Variants in ANKS1A observed in about 807,000 individuals in gnomAD.
The protein encoded by ANKS1A is ankyrin repeat and SAM domain-containing protein 1A.
Under a neutral mutation model 120.3 loss-of-function variants are expected in ANKS1A, and 55 were observed. The ratio of observed to expected loss-of-function variants is 0.46; its 90% CI spans 0.37 to 0.57. The LOEUF (loss-of-function observed/expected upper bound fraction) is 0.57, where lower values mean the gene tolerates loss of function less well. ANKS1A is among the 20% of genes least tolerant of loss of function. The pLI is 0.00. For synonymous variants in ANKS1A, 590 were observed against 604.7 expected, an observed-to-expected ratio of 0.98 and a Z score of 0.36; for missense variants, 1,123 against 1,480.3, an observed-to-expected ratio of 0.76 and a Z score of 3.96.
At chr6:34,997,001 T>G (rs1772889214) in intron 10 of ANKS1A, among the ~76,000 whole-genome samples, 1 of 152,184 alleles carries the variant, frequency 6.6e-6, no homozygotes, top group Non-Finnish European at 1.5e-5. Flanking sequence ...GTTTTAGATA[T>G]TCTAGTTCCA....
chr6:35,077,959 CCT>C (rs1449169001), intron 13 of ANKS1A, among the ~76,000 whole-genome samples: 1 of 152,202 alleles, frequency 6.6e-6, no homozygotes, highest in East Asian at 1.9e-4. Flanking sequence ...GCTCCGTGTG[CCT>C]CTCCACCCTC....
At chr6:34,923,632 C>G (rs1768553485) in intron 1 of ANKS1A, among the ~76,000 whole-genome samples, 1 of 152,132 alleles carries the variant, frequency 6.6e-6, no homozygotes, top group Admixed American at 6.6e-5. Flanking sequence ...GCCAAGACTA[C>G]TATTAAATTG....
At chr6:35,038,224 G>T (rs1198944104) in intron 11 of ANKS1A, 1 of 456,562 alleles carries the variant, frequency 2.2e-6, no homozygotes, top group African/African-American at 2.0e-5. Flanking sequence ...CCATCAGTCT[G>T]GGAAGAAAGG....
intron 10 of ANKS1A, among the ~76,000 whole-genome samples, chr6:34,997,896 A>T (rs762316907): frequency 2.0e-5 from 3 of 152,230 alleles, no homozygotes; most frequent in Non-Finnish European, 4.4e-5. Flanking sequence ...ACTTTTGGCT[A>T]CACATCTGGT....
chr6:35,015,940 A>G (rs906170078), intron 10 of ANKS1A, among the ~76,000 whole-genome samples: 3 of 152,318 alleles, frequency 2.0e-5, no homozygotes, highest in African/African-American at 4.8e-5. Context: ...GCCTTCAGGC[A>G]TGCTGATGAG....
At chr6:35,063,364 T>C (rs148615450) in intron 13 of ANKS1A, among the ~76,000 whole-genome samples, 250 of 152,328 alleles carry the variant, frequency 1.6e-3, no homozygotes, top group African/African-American at 5.5e-3. Context: ...GGTTGGCAAA[T>C]TTGTAGCTCC....
intron 13 of ANKS1A, among the ~76,000 whole-genome samples, chr6:35,077,446 C>T (rs1293609748): frequency 3.3e-5 from 5 of 152,186 alleles, no homozygotes; most frequent in African/African-American, 9.7e-5. Context: ...CGAGCGTGTG[C>T]GAGAATGGCA....
intron 11 of ANKS1A, among the ~76,000 whole-genome samples, chr6:35,041,640 TAC>T (rs1285287676): frequency 6.6e-6 from 1 of 152,204 alleles, no homozygotes; most frequent in Non-Finnish European, 1.5e-5. Flanking sequence ...CATGGGGTTG[TAC>T]ACTTTAACCT....
intron 1 of ANKS1A, among the ~76,000 whole-genome samples, chr6:34,897,438 G>A (rs1331049585): frequency 1.3e-5 from 2 of 152,212 alleles, no homozygotes; most frequent in East Asian, 3.8e-4. Flanking sequence ...CATAGGGAAA[G>A]TAAATTACTG....
intron 9 of ANKS1A, among the ~76,000 whole-genome samples, chr6:34,991,677 TATATAC>T (rs1772547751): frequency 1.3e-4 from 4 of 29,840 alleles, no homozygotes; most frequent in African/African-American, 2.1e-4. Flanking sequence ...TATACACATA[TATATAC>T]ATATATACAC....
intron 1 of ANKS1A, among the ~76,000 whole-genome samples, chr6:34,895,679 A>G (rs892493667): frequency 1.3e-5 from 2 of 152,144 alleles, no homozygotes; most frequent in African/African-American, 4.8e-5. Context: ...AAGAGAATGC[A>G]AAAACAAGAT....
chr6:34,953,385 A>G (rs1770186262), intron 1 of ANKS1A, among the ~76,000 whole-genome samples: 1 of 152,220 alleles, frequency 6.6e-6, no homozygotes, highest in Non-Finnish European at 1.5e-5. Context: ...ATATCAATTA[A>G]AAAGGCAAGA....
At chr6:35,020,297 A>G (rs1316832088) in intron 11 of ANKS1A, among the ~76,000 whole-genome samples, 3 of 152,266 alleles carry the variant, frequency 2.0e-5, no homozygotes, top group East Asian at 1.9e-4. Flanking sequence ...TTACTTACAT[A>G]TAGCATTTAC....
chr6:35,084,368 TG>T lies in ANKS1A; in HGVS notation c.3132+112del. The stretch of plus-strand genomic sequence containing the variant: ...GCTGTCCTGGCCCCTGGCCAGTGCC[TG>T]GCAAATGTTTGGTTCATGAATGGAG... On this transcript the variant is annotated intron_variant, in intron 21 of 23. Coordinates refer to ENST00000360359, the MANE Select transcript of ANKS1A (RefSeq NM_015245.3). The surrounding 1 kb of genome is among the most constrained non-coding windows in gnomAD (Gnocchi z 4.8). 1 of 1,435,584 alleles carries T rather than the reference TG, an allele frequency of 7.0e-7. No individual in the cohort carries two copies. The allele number at this position is 1,435,584 out of a possible 1,614,324, so 88.9% of individuals were successfully genotyped here.
chr6:35,082,625 C>T lies in ANKS1A; in HGVS notation c.2710-66C>T. 6.5e-7 allele frequency: 1 copy of T among 1,530,964 alleles called. No homozygotes were observed. Among genetic ancestry groups the T allele is most frequent in the African/African-American group, 1.4e-5 (1 of 72,386 alleles). The allele number at this position is 1,530,964 out of a possible 1,614,324, so 94.8% of individuals were successfully genotyped here. ...ATCTTCACCCTTGAGTGTGCTGGAGCCAGGCAGCAAGCCCATGTGCTCCTC... is the reference window on the plus strand; with the variant it reads ...ATCTTCACCCTTGAGTGTGCTGGAGTCAGGCAGCAAGCCCATGTGCTCCTC... On this transcript the variant is annotated intron_variant, in intron 17 of 23. Coordinates refer to ENST00000360359, the MANE Select transcript of ANKS1A (RefSeq NM_015245.3). This position sits in a 1 kb window ranked among gnomAD's most constrained non-coding sequence, Gnocchi z 4.1.
chr6:34,981,655 AC>A (rs1199847941), intron 3 of ANKS1A, 34 bp from the exon 4 acceptor site: 4 of 1,596,512 alleles, frequency 2.5e-6, no homozygotes, highest in Non-Finnish European at 3.4e-6. Flanking sequence ...TCTGCCAGTG[AC>A]CTTTCTGATG....
chr6:35,046,345 T>G (rs1428833648), intron 11 of ANKS1A, among the ~76,000 whole-genome samples: 2 of 152,190 alleles, frequency 1.3e-5, no homozygotes, highest in African/African-American at 4.8e-5. Flanking sequence ...CACATTCCTT[T>G]CTCTTTGTTT....
chr6:34,912,220 A>G (rs536593879), intron 1 of ANKS1A, among the ~76,000 whole-genome samples: 12 of 152,230 alleles, frequency 7.9e-5, no homozygotes, highest in Admixed American at 1.3e-4. Flanking sequence ...TAATTTTTAC[A>G]TGGCCAAATC....
intron 1 of ANKS1A, among the ~76,000 whole-genome samples, chr6:34,946,764 AAAGGTGT>A (rs1769820162): frequency 6.6e-6 from 1 of 152,212 alleles, no homozygotes. Context: ...GCATATGCAC[AAAGGTGT>A]AAGTATTAGG....
Sources: gnomAD v4.1 joint callset for allele counts (sites outside exome capture counted in the v4.1 genomes callset) on GRCh38, gnomAD v4.1.1 for gene constraint, Gnocchi (gnomAD v3.1) non-coding constraint, MANE v1.5 for transcripts, NCBI Gene and HGNC (gene_info 2026-07-23, HGNC 2026-07-21) for gene names.